ITGBL1: variants seen among roughly 807,000 people sequenced by gnomAD.
The protein encoded by ITGBL1 is integrin subunit beta like 1.
In ITGBL1, 51 loss-of-function variants were observed where a neutral mutation model predicts 68.5. The observed-to-expected ratio is 0.74, with a 90% CI of 0.59 to 0.94. The LOEUF (loss-of-function observed/expected upper bound fraction) is 0.94. Among genes scored for constraint, ITGBL1 ranks in the 40% least tolerant of loss-of-function variants. The pLI is 0.00. For synonymous variants in ITGBL1, 209 were observed against 227.3 expected (o/e 0.92, Z 0.72); for missense variants, 649 against 647.4 (o/e 1.00, Z -0.03).
intron 2 of ITGBL1, among the ~76,000 whole-genome samples, chr13:101,505,131 C>G (rs1045255555): frequency 6.6e-6 from 1 of 152,072 alleles, no homozygotes; most frequent in African/African-American, 2.4e-5. Flanking sequence ...CCAACATTAA[C>G]AGTGAGTGCA....
intron 2 of ITGBL1, among the ~76,000 whole-genome samples, chr13:101,458,281 C>T (rs2048271560): frequency 2.0e-5 from 3 of 152,168 alleles, no homozygotes; most frequent in Non-Finnish European, 4.4e-5. Context: ...CACTTGAGTA[C>T]TGGGAGATTT....
chr13:101,622,222 T>C (rs2139389805), intron 7 of ITGBL1, among the ~76,000 whole-genome samples: 1 of 152,280 alleles, frequency 6.6e-6, no homozygotes, highest in Admixed American at 6.5e-5. Context: ...CTTATAGAGT[T>C]CTAGGCACTG....
intron 2 of ITGBL1, among the ~76,000 whole-genome samples, chr13:101,549,000 C>T (rs1222840243): frequency 6.6e-6 from 1 of 151,834 alleles, no homozygotes; most frequent in East Asian, 1.9e-4. Flanking sequence ...TACATTATTA[C>T]ACTTGAACAT....
chr13:101,645,113 G>A (rs1381459101), intron 7 of ITGBL1, among the ~76,000 whole-genome samples: 2 of 152,090 alleles, frequency 1.3e-5, no homozygotes, highest in African/African-American at 4.8e-5. Flanking sequence ...GTAAAGGTAG[G>A]CAGGTTAGGG....
At chr13:101,604,615 T>C (rs1002403665) in intron 7 of ITGBL1, among the ~76,000 whole-genome samples, 1 of 151,170 alleles carries the variant, frequency 6.6e-6, no homozygotes, top group African/African-American at 2.4e-5. Context: ...TAGTGCTACA[T>C]CTGCAAACAC....
At chr13:101,568,629 T>A (rs542666627) in intron 3 of ITGBL1, among the ~76,000 whole-genome samples, 5 of 152,218 alleles carry the variant, frequency 3.3e-5, no homozygotes, top group African/African-American at 1.2e-4. Flanking sequence ...GTGGTTTTTT[T>A]AAAGCTCTCT....
At chr13:101,550,114 A>G (rs1012746401) in intron 2 of ITGBL1, among the ~76,000 whole-genome samples, 1 of 152,102 alleles carries the variant, frequency 6.6e-6, no homozygotes, top group Non-Finnish European at 1.5e-5. Flanking sequence ...ATGAGCTGGG[A>G]TATAGATATG....
rs541879888 is a variant in ITGBL1 at position 101,647,976 on chromosome 13, C to A, written c.1016-44609C>A. 4.2e-4 allele frequency among the ~76,000 whole-genome samples: 64 copies of A among 152,274 alleles called. 1 individual carries two copies. The South Asian group carries it at 0.013, about 31-fold the overall frequency. On this transcript the variant is annotated intron_variant, in intron 7 of 10. Transcript: ENST00000376180. ...AACATCCATGAAGAAGCATGGACCT[C>A]ATGTTCTTACAGAAGCGTATGGAAG...
At chr13:101,697,340 T>A (rs6491641) in intron 8 of ITGBL1, among the ~76,000 whole-genome samples, 31,651 of 152,052 alleles carry the variant, frequency 0.21, 3,773 homozygotes, top group Admixed American at 0.3. Context: ...CTTCCTAGGT[T>A]TTGTTTCTGA....
At chr13:101,482,205 A>G (rs1479595975) in intron 2 of ITGBL1, among the ~76,000 whole-genome samples, 1 of 152,148 alleles carries the variant, frequency 6.6e-6, no homozygotes. Flanking sequence ...ATTTGTAGGT[A>G]TCTGTCTAGG....
intron 7 of ITGBL1, among the ~76,000 whole-genome samples, chr13:101,625,268 C>T (rs1388794485): frequency 1.3e-5 from 2 of 152,142 alleles, no homozygotes; most frequent in Non-Finnish European, 2.9e-5. Context: ...AGACTTTAGC[C>T]GTTGAGGAAC....
intron 7 of ITGBL1, among the ~76,000 whole-genome samples, chr13:101,692,013 T>C (rs117717538): frequency 0.018 from 2,755 of 152,326 alleles, 35 homozygotes; most frequent in Middle Eastern, 0.031. Context: ...TTTATAATTT[T>C]AAATTTTAAG....
Position 101,594,930 on chromosome 13 carries a change from C to T in ITGBL1, c.869-3223C>T, listed in dbSNP as rs569015034. 3.3e-3 allele frequency among the ~76,000 whole-genome samples: 506 copies of T among 152,120 alleles called. 4 individuals are homozygous for T. The highest frequency in any genetic ancestry group is 9.0e-3 in the Admixed American group (137 of 15,272). On this transcript the variant is annotated intron_variant, in intron 6 of 10. Coordinates refer to ENST00000376180, the MANE Select transcript of ITGBL1 (RefSeq NM_004791.3). ...CTCTACTAAAAATACAAAAATTAGC[C>T]GGGCGTGTTGACGCACACCTGTAGT...
intron 7 of ITGBL1, among the ~76,000 whole-genome samples, chr13:101,677,504 G>A (rs2033533965): frequency 6.6e-6 from 1 of 152,074 alleles, no homozygotes; most frequent in African/African-American, 2.4e-5. Flanking sequence ...GAAATAGGGA[G>A]GATCATTATT....
At chr13:101,603,322 T>G (rs935067820) in intron 7 of ITGBL1, among the ~76,000 whole-genome samples, 24 of 152,004 alleles carry the variant, frequency 1.6e-4, no homozygotes, top group Non-Finnish European at 2.4e-4. Context: ...AGCACAGATA[T>G]TTTCTCATAT....
Position 101,527,093 on chromosome 13 carries a change from A to G in ITGBL1, c.317-40606A>G, listed in dbSNP as rs139096695. On this transcript the variant is annotated intron_variant, in intron 2 of 10. Transcript: ENST00000376180. ...TTTAGTCTCTTTTTTAAAAAATCAC[A>G]TCTATTAAGATAAAATTTGACTTCA... Among the ~76,000 whole-genome samples the G allele has an allele frequency of 4.6e-3, 702 of 152,214 alleles. 4 individuals are homozygous for G. The highest frequency in any genetic ancestry group is 0.016 in the African/African-American group (668 of 41,556).
intron 7 of ITGBL1, among the ~76,000 whole-genome samples, chr13:101,667,910 A>C (rs1464428869): frequency 6.6e-6 from 1 of 151,910 alleles, no homozygotes; most frequent in Non-Finnish European, 1.5e-5. Context: ...TAAAAAAAAA[A>C]AAACCCCAAA....
intron 7 of ITGBL1, among the ~76,000 whole-genome samples, chr13:101,621,535 C>G (rs528492025): frequency 1.3e-4 from 20 of 152,046 alleles, no homozygotes; most frequent in African/African-American, 4.8e-4. Flanking sequence ...AGAAACTAAC[C>G]CACCCAGATT....
chr13:101,706,935 C>G, intron 9 of ITGBL1, 33 bp downstream of exon 9: 1 of 1,600,554 alleles, frequency 6.2e-7, no homozygotes, highest in Non-Finnish European at 8.5e-7. Flanking sequence ...GGACTCCATT[C>G]CTGTTCTGAC....
Sources: gnomAD v4.1 joint callset for allele counts (sites outside exome capture counted in the v4.1 genomes callset) on GRCh38, gnomAD v4.1.1 for gene constraint, MANE v1.5 for transcripts, NCBI Gene and HGNC (gene_info 2026-07-23, HGNC 2026-07-21) for gene names.